Variants in CADM2 observed in about 807,000 individuals in gnomAD.
The protein encoded by CADM2 is cell adhesion molecule 2.
CADM2 carries 12 observed loss-of-function variants against 49.8 expected under a neutral mutation model. That is an observed-to-expected ratio of 0.24 (90% confidence interval 0.15 to 0.39). CADM2 has a LOEUF of 0.39. Ranked by LOEUF, CADM2 falls within the 10% of genes least tolerant of loss-of-function variation. The pLI is 1.00. For missense variants in CADM2, 378 were observed against 492.3 expected (o/e 0.77, Z 2.20); for synonymous variants, 214 against 175.4 (o/e 1.22, Z -1.74).
At chr3:85,608,731 A>G (rs1034847829) in intron 1 of CADM2, among the ~76,000 whole-genome samples, 13 of 152,156 alleles carry the variant, frequency 8.5e-5, no homozygotes, top group Admixed American at 2.6e-4. Context: ...TTGAAGCTCT[A>G]TCTTATCACT....
chr3:86,010,502 C>T (rs1731363787), intron 8 of CADM2, among the ~76,000 whole-genome samples: 1 of 151,300 alleles, frequency 6.6e-6, no homozygotes, highest in African/African-American at 2.4e-5. Flanking sequence ...GGAATAACCT[C>T]TTGAGACAAA....
At chr3:85,899,985 C>G (rs1464688011) in intron 5 of CADM2, among the ~76,000 whole-genome samples, 2 of 152,100 alleles carry the variant, frequency 1.3e-5, no homozygotes, top group Non-Finnish European at 2.9e-5. Flanking sequence ...ACTGATTTTG[C>G]CTTCCAGGCT....
chr3:85,621,345 A>C (rs1559948219), intron 1 of CADM2, among the ~76,000 whole-genome samples: 1 of 152,184 alleles, frequency 6.6e-6, no homozygotes, highest in Non-Finnish European at 1.5e-5. Context: ...AAAGACAATA[A>C]TATCTGTTAA....
chr3:85,252,670 A>G (rs952670686), intron 1 of CADM2, among the ~76,000 whole-genome samples: 9 of 152,004 alleles, frequency 5.9e-5, no homozygotes, highest in Non-Finnish European at 5.9e-5. Context: ...GGGAGCAATG[A>G]AAAAACTAGT....
At chr3:85,256,502 C>A (rs2042889324) in intron 1 of CADM2, among the ~76,000 whole-genome samples, 1 of 152,044 alleles carries the variant, frequency 6.6e-6, no homozygotes, top group Non-Finnish European at 1.5e-5. Context: ...CGAAGCTAAA[C>A]CAATAGAAAA....
chr3:85,016,613 C>G (rs1273169848), intron 1 of CADM2, among the ~76,000 whole-genome samples: 1 of 151,868 alleles, frequency 6.6e-6, no homozygotes, highest in Non-Finnish European at 1.5e-5. Flanking sequence ...GCCAACACAG[C>G]GAAACCCTGC....
chr3:85,850,020 T>A (rs974414772), intron 3 of CADM2, among the ~76,000 whole-genome samples: 1 of 152,196 alleles, frequency 6.6e-6, no homozygotes, highest in African/African-American at 2.4e-5. Context: ...TAAAAAGGAA[T>A]GAAAACTTAG....
At chr3:84,967,772 C>G (rs965565291) in intron 1 of CADM2, among the ~76,000 whole-genome samples, 4 of 152,020 alleles carry the variant, frequency 2.6e-5, no homozygotes, top group African/African-American at 9.7e-5. Flanking sequence ...TTTCAACCCC[C>G]AAGGAGCACA....
At chr3:86,051,179 T>C (rs1219849354) in intron 8 of CADM2, among the ~76,000 whole-genome samples, 1 of 152,192 alleles carries the variant, frequency 6.6e-6, no homozygotes, top group African/African-American at 2.4e-5. Flanking sequence ...ACATTTATTC[T>C]GCCAGATACC....
intron 1 of CADM2, among the ~76,000 whole-genome samples, chr3:85,083,721 T>G (rs142595467): frequency 1.3e-3 from 194 of 152,268 alleles, no homozygotes; most frequent in African/African-American, 4.1e-3. Context: ...TAAAATCTCC[T>G]TGATCATTTT....
chr3:85,769,507 A>G (rs1025865193), intron 2 of CADM2, among the ~76,000 whole-genome samples: 1 of 64,324 alleles, frequency 1.6e-5, no homozygotes, highest in East Asian at 6.6e-4. Flanking sequence ...ATATATGTAT[A>G]TATACACGTA....
chr3:85,406,599 T>TA (rs1001032213), intron 1 of CADM2, among the ~76,000 whole-genome samples: 2 of 152,160 alleles, frequency 1.3e-5, no homozygotes, highest in African/African-American at 4.8e-5. Flanking sequence ...TCTCTATGTC[T>TA]AAGATTCAAC....
intron 1 of CADM2, among the ~76,000 whole-genome samples, chr3:85,482,700 G>T (rs62250719): frequency 0.51 from 77,871 of 151,286 alleles, 22,975 homozygotes; most frequent in East Asian, 0.83. Context: ...TATTCATGAG[G>T]TATTATTACA....
intron 3 of CADM2, among the ~76,000 whole-genome samples, chr3:85,865,222 C>T (rs2108334414): frequency 6.6e-6 from 1 of 152,292 alleles, no homozygotes; most frequent in South Asian, 2.1e-4. Flanking sequence ...ACTTTCTATG[C>T]CTGCTCCTGT....
intron 1 of CADM2, among the ~76,000 whole-genome samples, chr3:85,004,677 C>T (rs570929665): frequency 6.6e-6 from 1 of 152,006 alleles, no homozygotes; most frequent in Admixed American, 6.6e-5. Context: ...AAGTGGGCAC[C>T]CTACTTAAAG....
At chr3:85,314,680 A>T (rs934772949) in intron 1 of CADM2, among the ~76,000 whole-genome samples, 3 of 152,114 alleles carry the variant, frequency 2.0e-5, no homozygotes, top group Non-Finnish European at 4.4e-5. Context: ...TTTTCAGTAA[A>T]CTTGTTTTCA....
intron 1 of CADM2, among the ~76,000 whole-genome samples, chr3:85,277,572 C>T (rs1205373962): frequency 4.0e-5 from 6 of 151,500 alleles, no homozygotes; most frequent in East Asian, 3.9e-4. Context: ...AGTAAAAATT[C>T]TCTCACGAAC....
chr3:85,117,826 G>C (rs565560493), intron 1 of CADM2, among the ~76,000 whole-genome samples: 1 of 152,124 alleles, frequency 6.6e-6, no homozygotes, highest in South Asian at 2.1e-4. Flanking sequence ...CCTTTGTGTG[G>C]AGCCAATGGG....
At chr3:85,672,191 CTTTTT>C (rs5850710) in intron 1 of CADM2, among the ~76,000 whole-genome samples, 1 of 124,320 alleles carries the variant, frequency 8.0e-6, no homozygotes, top group Non-Finnish European at 1.7e-5. Context: ...TCTAGGATGT[CTTTTT>C]TTTTTTTTTT....
Sources: allele counts gnomAD v4.1 joint callset (sites outside exome capture counted in the v4.1 genomes callset), GRCh38; gene constraint gnomAD v4.1.1; transcripts MANE v1.5; gene names NCBI Gene and HGNC (gene_info 2026-07-23, HGNC 2026-07-21).